The following CIT variants were observed in gnomAD, a reference collection of about 807,000 sequenced individuals.
The protein encoded by CIT is citron rho-interacting serine/threonine kinase.
A neutral mutation model predicts 272.7 loss-of-function variants in CIT; 79 were observed. The ratio of observed to expected loss-of-function variants is 0.29; its 90% CI spans 0.24 to 0.35. The LOEUF (loss-of-function observed/expected upper bound fraction) is 0.35. CIT is among the 10% of genes least tolerant of loss of function. The pLI, the probability that CIT is intolerant of heterozygous loss-of-function variation, is 1.00. For synonymous variants in CIT, 948 were observed against 995.6 expected, an observed-to-expected ratio of 0.95 and a Z score of 0.90; for missense variants, 1,909 against 2,618.3, an observed-to-expected ratio of 0.73 and a Z score of 5.91.
At position 119,757,429 on chromosome 12, in the gene CIT, C is replaced by A. The variant is rs543613992; in HGVS notation, c.2648G>T (p.Ser883Ile). The A allele has an allele frequency of 4.3e-6, 7 of 1,614,220 alleles. No homozygotes were observed. The highest frequency in any genetic ancestry group is 5.9e-6 in the Non-Finnish European group (7 of 1,180,042). Reference sequence around the variant, plus strand: ...ATTCTTGTCACTGTGGTCTTGGTGGCTGATCTTCTCCAGCTGCTCCTCCAG... The same window carrying A: ...ATTCTTGTCACTGTGGTCTTGGTGGATGATCTTCTCCAGCTGCTCCTCCAG... ...RKLEEQLEKI[S>I]HQDHSDKNRL... Residue 883 changes from serine (S) to isoleucine (I), a missense_variant, in exon 22 of 48, where the codon AGC becomes ATC. Around this residue, in one of 8 missense-constraint regions of CIT, gnomAD observed 530 missense variants for 822.4 expected, o/e 0.64. Coordinates refer to ENST00000392521, the MANE Select transcript of CIT (RefSeq NM_001206999.2).
chr12:119,787,188 T>C (rs1442973220), intron 10 of CIT, among the ~76,000 whole-genome samples: 2 of 151,834 alleles, frequency 1.3e-5, no homozygotes, highest in African/African-American at 4.8e-5. Flanking sequence ...TGGTCTCAAA[T>C]TCCTGGGCTC....
intron 41 of CIT, 101 bp from the exon 42 acceptor site, chr12:119,702,059 G>C: frequency 1.2e-6 from 1 of 831,002 alleles, no homozygotes; most frequent in South Asian, 1.5e-5. Context: ...CCAAGCCCTG[G>C]AGAACATTGT....
At chr12:119,859,961 C>T (rs895563297) in intron 3 of CIT, among the ~76,000 whole-genome samples, 2 of 152,106 alleles carry the variant, frequency 1.3e-5, no homozygotes, top group African/African-American at 2.4e-5. Context: ...GGACTATAGG[C>T]GCACACCACC....
At chr12:119,749,695 G>A (rs953711299) in intron 23 of CIT, among the ~76,000 whole-genome samples, 6 of 152,046 alleles carry the variant, frequency 3.9e-5, no homozygotes, top group African/African-American at 1.4e-4. Context: ...CAGAGCCCTA[G>A]TTTCTAAACC....
chr12:119,707,625 C>T (rs1956949467), intron 40 of CIT, among the ~76,000 whole-genome samples: 1 of 152,138 alleles, frequency 6.6e-6, no homozygotes, highest in Non-Finnish European at 1.5e-5. Context: ...CCTCAGCCTC[C>T]CGAGTAGCTG....
At chr12:119,820,583 G>A (rs1222166344) in intron 9 of CIT, among the ~76,000 whole-genome samples, 1 of 152,010 alleles carries the variant, frequency 6.6e-6, no homozygotes, top group African/African-American at 2.4e-5. Context: ...AAGAGTTAAC[G>A]TTGGGGAAAA....
chr12:119,771,632 T>C (rs1963161240), intron 17 of CIT, among the ~76,000 whole-genome samples: 1 of 152,132 alleles, frequency 6.6e-6, no homozygotes, highest in Non-Finnish European at 1.5e-5. Context: ...CAGGGAATTC[T>C]GAGAAATCTG....
At chr12:119,844,585 G>A (rs529456460) in intron 5 of CIT, among the ~76,000 whole-genome samples, 19 of 152,252 alleles carry the variant, frequency 1.2e-4, no homozygotes, top group Non-Finnish European at 1.8e-4. Context: ...GATGGCAGAC[G>A]TATGAGCATA....
intron 4 of CIT, among the ~76,000 whole-genome samples, chr12:119,855,910 A>G (rs1198705579): frequency 6.6e-6 from 1 of 152,172 alleles, no homozygotes; most frequent in Non-Finnish European, 1.5e-5. Context: ...TCCAGGACCT[A>G]GAAACACACC....
chr12:119,716,078 T>C (rs1957451449), intron 32 of CIT, among the ~76,000 whole-genome samples: 1 of 152,014 alleles, frequency 6.6e-6, no homozygotes, highest in Non-Finnish European at 1.5e-5. Context: ...TTTAATGAGT[T>C]TAAAAGTAAA....
rs17588941 is a variant in CIT, at chr12:119,869,001, G to A, written c.238+59C>T. ...CAACCAGTAACTCATTCTGCCTCAA[G>A]CATCTTTCTAGTTTTTCTCTCTCAG... On this transcript the variant is annotated intron_variant, in intron 3 of 47. Coordinates refer to ENST00000392521, the MANE Select transcript of CIT (RefSeq NM_001206999.2). 55,133 of 1,589,648 alleles carry A rather than the reference G, an allele frequency of 0.035. 1,250 individuals carry two copies. Among genetic ancestry groups the A allele is most frequent in the East Asian group, 0.1 (4,580 of 44,686 alleles).
intron 2 of CIT, among the ~76,000 whole-genome samples, chr12:119,871,093 T>TGGGCGACA (rs1950662548): frequency 6.8e-6 from 1 of 146,406 alleles, no homozygotes; most frequent in Non-Finnish European, 1.5e-5. Flanking sequence ...CACTCCAGCC[T>TGGGCGACA]GGGCGACAGG....
intron 44 of CIT, 163 bp from the exon 45 acceptor site, chr12:119,698,217 T>C (rs985431370): frequency 1.1e-5 from 7 of 664,562 alleles, no homozygotes; most frequent in Non-Finnish European, 1.9e-5. Flanking sequence ...TGTTCGAGGA[T>C]ATTCACTGCC....
chr12:119,861,316 T>C (rs1164979872), intron 3 of CIT, among the ~76,000 whole-genome samples: 1 of 152,138 alleles, frequency 6.6e-6, no homozygotes, highest in East Asian at 1.9e-4. Context: ...CCAGGCACTG[T>C]GGCTCACGCC....
At position 119,718,738 on chromosome 12, in the gene CIT, G is replaced by C. The variant is rs1244905747; in HGVS notation, c.3964C>G (p.Gln1322Glu). ...ARCAELEEALQKTRIELRSAR... is the reference protein window; with the variant it reads ...ARCAELEEALEKTRIELRSAR... ...GACCGGAGCTCGATGCGGGTCTTCTGAAGGGCTTCCTCTAGCTCTGCACAG... is the reference window on the plus strand; with the variant it reads ...GACCGGAGCTCGATGCGGGTCTTCTCAAGGGCTTCCTCTAGCTCTGCACAG... Residue 1322 changes from glutamine (Q) to glutamate (E), a missense_variant, in exon 31 of 48, where the codon CAG becomes GAG. This residue lies in a region of CIT where 780 missense variants were observed against 1,067.2 expected (regional missense o/e 0.73). Transcript: ENST00000392521. The surrounding 1 kb of genome is among the most constrained non-coding windows in gnomAD (Gnocchi z 4.8). 4 of 1,614,036 alleles carry C rather than the reference G, an allele frequency of 2.5e-6. No homozygotes were observed. In the Admixed American group the frequency reaches 6.7e-5, roughly 27 times the overall value.
rs569197146 is a variant in CIT at position 119,718,103 on chromosome 12, G to A, written c.4168+142C>T. The A allele has an allele frequency of 2.4e-5, 23 of 948,828 alleles. No homozygotes were observed. In the East Asian group the frequency reaches 5.5e-4, roughly 23 times the overall value. The allele number at this position is 948,828 out of a possible 1,614,324, so 58.8% of individuals were successfully genotyped here. A position where few individuals can be genotyped will look rare whatever the true frequency, so the allele number is the denominator to read the frequency against. On this transcript the variant is annotated intron_variant, in intron 32 of 47. Coordinates refer to ENST00000392521, the MANE Select transcript of CIT (RefSeq NM_001206999.2). The surrounding 1 kb of genome is among the most constrained non-coding windows in gnomAD (Gnocchi z 4.8). ...GATCCGCCCACCTCGGCCTCCCAAA[G>A]TGCTGGGGTTACAGGTGTGAGCCAC...
intron 2 of CIT, among the ~76,000 whole-genome samples, 161 bp downstream of exon 2, chr12:119,875,912 C>G (rs1950828925): frequency 2.0e-5 from 3 of 152,232 alleles, no homozygotes; most frequent in African/African-American, 7.2e-5. Flanking sequence ...CGCTTGAACC[C>G]AGGAGGCGGA....
chr12:119,688,454 T>G (rs1955706682), intron 47 of CIT, among the ~76,000 whole-genome samples, 199 bp from the exon 48 acceptor site: 1 of 152,244 alleles, frequency 6.6e-6, no homozygotes, highest in South Asian at 2.1e-4. Context: ...CAAAGCCGTG[T>G]GTGTACCTGC....
At chr12:119,759,090 G>A (rs943329398) in intron 20 of CIT, among the ~76,000 whole-genome samples, 4 of 152,166 alleles carry the variant, frequency 2.6e-5, no homozygotes, top group African/African-American at 9.7e-5. Context: ...CATTTTCTGA[G>A]TGATTCCTTC....
Sources: allele counts gnomAD v4.1 joint callset (sites outside exome capture counted in the v4.1 genomes callset), GRCh38; gene constraint gnomAD v4.1.1; regional missense constraint gnomAD v4.1.1; non-coding constraint Gnocchi (gnomAD v3.1); transcripts MANE v1.5; gene names NCBI Gene and HGNC (gene_info 2026-07-23, HGNC 2026-07-21).